Variants in SCGB2B2 observed in about 807,000 individuals in gnomAD.
The protein encoded by SCGB2B2 is secretoglobin family 2B member 2, also known as secretoglobin-like protein.
SCGB2B2 carries 11 observed loss-of-function variants against 7.6 expected under a neutral mutation model. The observed-to-expected ratio is 1.45, with a 90% confidence interval of 0.91 to 2.40. The LOEUF is 2.40. Among genes scored for constraint, SCGB2B2 ranks in the 30% most tolerant of loss-of-function variants. The probability of loss-of-function intolerance (pLI) is 0.00; values close to 1 mark genes in which losing one functional copy is unlikely to be tolerated. For synonymous variants in SCGB2B2, 50 were observed against 48.6 expected, an observed-to-expected ratio of 1.03 and a Z score of -0.12; for missense variants, 104 against 115.4, an observed-to-expected ratio of 0.90 and a Z score of 0.45.
At chr19:34,668,254 G>A (rs1297203763) in intron 1 of SCGB2B2, among the ~76,000 whole-genome samples, 1 of 152,224 alleles carries the variant, frequency 6.6e-6, no homozygotes, top group African/African-American at 2.4e-5. Flanking sequence ...TGGAGTTCCC[G>A]GTGGGCGTGG....
At chr19:34,652,596 A>AT (rs2067189366) in intron 1 of SCGB2B2, among the ~76,000 whole-genome samples, 1 of 151,196 alleles carries the variant, frequency 6.6e-6, no homozygotes, top group Non-Finnish European at 1.5e-5. Context: ...ACCAACAGGT[A>AT]TTTTTAAAAT....
chr19:34,593,911 G>T (rs574637063), intron 3 of SCGB2B2, among the ~76,000 whole-genome samples: 45 of 152,232 alleles, frequency 3.0e-4, no homozygotes, highest in Non-Finnish European at 7.4e-5. Context: ...AGTGATTGTG[G>T]TTCCCTGCAT....
At chr19:34,613,683 T>C (rs2065995272) in intron 1 of SCGB2B2, among the ~76,000 whole-genome samples, 1 of 152,238 alleles carries the variant, frequency 6.6e-6, no homozygotes, top group Admixed American at 6.5e-5. Flanking sequence ...CTTTGATTCC[T>C]TTCTTTTTCT....
chr19:34,600,036 T>C (rs538817930), intron 1 of SCGB2B2, among the ~76,000 whole-genome samples: 6 of 149,268 alleles, frequency 4.0e-5, no homozygotes, highest in African/African-American at 1.2e-4. Flanking sequence ...CCTGATTTTA[T>C]GGTTTTTTTT....
chr19:34,606,450 T>C (rs2065779531), intron 1 of SCGB2B2, among the ~76,000 whole-genome samples: 1 of 151,878 alleles, frequency 6.6e-6, no homozygotes. Context: ...GGGGAGATTA[T>C]TTGAGTAAAA....
chr19:34,641,246 G>A (rs985021744), intron 1 of SCGB2B2, among the ~76,000 whole-genome samples: 2 of 152,084 alleles, frequency 1.3e-5, no homozygotes, highest in Admixed American at 1.3e-4. Context: ...TAGTCCCCCT[G>A]GTGCACTGTA....
chr19:34,653,789 A>G (rs2067219046), intron 1 of SCGB2B2, among the ~76,000 whole-genome samples: 2 of 151,246 alleles, frequency 1.3e-5, no homozygotes, highest in Admixed American at 1.3e-4. Flanking sequence ...TGAAACCATC[A>G]CCAAAATAGA....
chr19:34,676,529 A>C lies in SCGB2B2; in HGVS notation c.-2931T>G, dbSNP rs1277455877. The C allele has an allele frequency of 6.6e-6, 1 of 152,178 alleles. No homozygotes were observed. Among genetic ancestry groups the C allele is most frequent in the African/African-American group, 2.4e-5 (1 of 41,444 alleles). The allele number at this position is 152,178 out of a possible 1,614,324, so 9.4% of individuals were successfully genotyped here. A position where few individuals can be genotyped will look rare whatever the true frequency, so the allele number is the denominator to read the frequency against. On this transcript the variant is annotated 5_prime_UTR_variant, in exon 1 of 4. Coordinates refer to ENST00000601241, the MANE Select transcript of SCGB2B2 (RefSeq NM_001025591.4). ...TAAATACAAGTATCCCTAGTCCAGC[A>C]GCCCAAGCTGCTGCTCTAACAATGG...
At chr19:34,621,674 C>G (rs922528147) in intron 1 of SCGB2B2, among the ~76,000 whole-genome samples, 3 of 152,176 alleles carry the variant, frequency 2.0e-5, no homozygotes, top group African/African-American at 7.2e-5. Context: ...TTAAGAATAT[C>G]CTTTTTCATT....
intron 1 of SCGB2B2, among the ~76,000 whole-genome samples, chr19:34,653,190 C>T (rs868583010): frequency 2.0e-5 from 3 of 151,170 alleles, no homozygotes; most frequent in South Asian, 2.1e-4. Flanking sequence ...ATAATGGTTA[C>T]TTGAGGCAGG....
chr19:34,650,207 C>G (rs2067128287), intron 1 of SCGB2B2, among the ~76,000 whole-genome samples: 2 of 151,186 alleles, frequency 1.3e-5, no homozygotes, highest in Admixed American at 6.6e-5. Context: ...ATACCGGAGA[C>G]CTGGAAACTC....
rs963845056 is a variant in SCGB2B2, at chr19:34,591,635, ACCT to A, written c.*1917_*1919del. Among the ~76,000 whole-genome samples the A allele has an allele frequency of 6.6e-6, 1 of 151,600 alleles. No individual in the cohort carries two copies. The highest frequency in any genetic ancestry group is 1.5e-5 in the Non-Finnish European group (1 of 67,916). ...GGCACTTGCCTCGTTTTCTGACGTGACCTCCTTCCCTGCTGCCCCTTGTTCCAG... is the reference window on the plus strand; with the variant it reads ...GGCACTTGCCTCGTTTTCTGACGTGACCTTCCCTGCTGCCCCTTGTTCCAG... On this transcript the variant is annotated 3_prime_UTR_variant, in exon 4 of 4. Transcript: ENST00000601241.
At chr19:34,652,325 GAGAGAAGAGACAACTTGC>G (rs1231790630) in intron 1 of SCGB2B2, among the ~76,000 whole-genome samples, 7 of 151,148 alleles carry the variant, frequency 4.6e-5, no homozygotes, top group Non-Finnish European at 7.4e-5. Context: ...ACAATCAACA[GAGAGAAGAGACAACTTGC>G]AGAGAAGAGA....
At chr19:34,639,866 G>T (rs2066792687) in intron 1 of SCGB2B2, among the ~76,000 whole-genome samples, 1 of 151,954 alleles carries the variant, frequency 6.6e-6, no homozygotes, top group Non-Finnish European at 1.5e-5. Flanking sequence ...TAAACAAAAT[G>T]ATCATCGGCC....
At chr19:34,660,700 G>A (rs923317091) in intron 1 of SCGB2B2, among the ~76,000 whole-genome samples, 18 of 152,208 alleles carry the variant, frequency 1.2e-4, no homozygotes, top group Admixed American at 1.0e-3. Flanking sequence ...TTCAACCATT[G>A]TGGAAGACAG....
intron 1 of SCGB2B2, among the ~76,000 whole-genome samples, chr19:34,639,601 A>G (rs2066784483): frequency 6.6e-6 from 1 of 152,196 alleles, no homozygotes; most frequent in Admixed American, 6.5e-5. Context: ...GGGACCACAA[A>G]GAATTTTCCC....
chr19:34,616,855 T>G (rs2145873374), intron 1 of SCGB2B2, among the ~76,000 whole-genome samples: 1 of 152,228 alleles, frequency 6.6e-6, no homozygotes, highest in Non-Finnish European at 1.5e-5. Flanking sequence ...CTTGAATTAA[T>G]TTTTGTATAA....
chr19:34,651,215 C>A (rs918135709), intron 1 of SCGB2B2, among the ~76,000 whole-genome samples: 2 of 151,248 alleles, frequency 1.3e-5, no homozygotes, highest in African/African-American at 4.9e-5. Context: ...ACTTTCACCA[C>A]TTTTATTCAA....
chr19:34,645,297 GCA>G (rs2146034874), intron 1 of SCGB2B2: 1 of 152,520 alleles, frequency 6.6e-6, no homozygotes, highest in East Asian at 1.9e-4. Context: ...GGGCACACAT[GCA>G]CACACAGACC....
Sources: allele counts gnomAD v4.1 joint callset (sites outside exome capture counted in the v4.1 genomes callset), GRCh38; gene constraint gnomAD v4.1.1; transcripts MANE v1.5; gene names NCBI Gene and HGNC (gene_info 2026-07-23, HGNC 2026-07-21).